The following AFF3 variants were observed in gnomAD, a reference collection of about 807,000 sequenced individuals.
AFF3 encodes ALF transcription elongation factor 3.
Under a neutral mutation model 129.7 loss-of-function variants are expected in AFF3, and 32 were observed. The observed-to-expected ratio is 0.25, with a 90% CI of 0.19 to 0.33. AFF3 has a LOEUF of 0.33. Ranked by LOEUF, AFF3 falls within the 10% of genes least tolerant of loss-of-function variation. The pLI is 1.00. For synonymous variants in AFF3, 644 were observed against 635.4 expected (o/e 1.01, Z -0.20); for missense variants, 1,373 against 1,592.0 (o/e 0.86, Z 2.34).
intron 11 of AFF3, among the ~76,000 whole-genome samples, chr2:99,680,495 T>C (rs1414540534): frequency 1.3e-5 from 2 of 152,214 alleles, no homozygotes; most frequent in Non-Finnish European, 2.9e-5. Context: ...TGTACAGATT[T>C]GGTGGTGGAC....
In AFF3 at chr2:99,749,075, A is replaced by G. The variant is rs534702028; in HGVS notation, c.1002+3146T>C. Among the ~76,000 whole-genome samples the G allele has an allele frequency of 7.9e-5, 12 of 152,346 alleles. No individual in the cohort carries two copies. In the East Asian group the frequency reaches 2.3e-3, roughly 29 times the overall value. ...GTATGAATAATATATGATGTATCAGAAATGTGACTATAGTTAACAATGAGG... is the reference window on the plus strand; with the variant it reads ...GTATGAATAATATATGATGTATCAGGAATGTGACTATAGTTAACAATGAGG... On this transcript the variant is annotated intron_variant, in intron 9 of 24. Coordinates refer to ENST00000672756, the MANE Select transcript of AFF3 (RefSeq NM_001386135.1).
intron 7 of AFF3, among the ~76,000 whole-genome samples, chr2:99,996,084 G>A (rs1001719975): frequency 2.0e-5 from 3 of 152,032 alleles, no homozygotes; most frequent in African/African-American, 7.2e-5. Context: ...ACCTAAAACA[G>A]CTTAGATAAC....
At chr2:99,706,642 T>A (rs1341516194) in intron 11 of AFF3, among the ~76,000 whole-genome samples, 1 of 152,180 alleles carries the variant, frequency 6.6e-6, no homozygotes, top group African/African-American at 2.4e-5. Flanking sequence ...GAAAAGGCAA[T>A]AATAGTTCAT....
At position 99,712,182 on chromosome 2, in the gene AFF3, G is replaced by C. The variant is rs182852280; in HGVS notation, c.1091+14895C>G. ...AATGGGTCCTAAAATATTCTGGGTT[G>C]TCAGTTCTTTGGGTTAAAACTTTCC... On this transcript the variant is annotated intron_variant, in intron 11 of 24. Coordinates refer to ENST00000672756, the MANE Select transcript of AFF3 (RefSeq NM_001386135.1). Among the ~76,000 whole-genome samples, 203 of 152,282 alleles carry C rather than the reference G, an allele frequency of 1.3e-3. 1 individual carries two copies. The highest frequency in any genetic ancestry group is 4.5e-3 in the African/African-American group (189 of 41,558).
intron 7 of AFF3, chr2:100,006,203 T>C (rs1011167427): frequency 1.3e-5 from 2 of 153,530 alleles, no homozygotes; most frequent in Admixed American, 1.3e-4. Context: ...GTTAAGAGTT[T>C]TGGAACTCTT....
At chr2:99,888,428 A>G (rs1693285384) in intron 7 of AFF3, among the ~76,000 whole-genome samples, 1 of 152,250 alleles carries the variant, frequency 6.6e-6, no homozygotes, top group African/African-American at 2.4e-5. Context: ...TACATTTTGA[A>G]CACATTCAGG....
chr2:99,790,244 C>T (rs747353338), intron 8 of AFF3, among the ~76,000 whole-genome samples: 1 of 152,222 alleles, frequency 6.6e-6, no homozygotes, highest in Non-Finnish European at 1.5e-5. Flanking sequence ...ACAGTAAGTG[C>T]TATAAGGACA....
intron 7 of AFF3, among the ~76,000 whole-genome samples, chr2:99,884,699 C>T (rs1372107285): frequency 6.6e-6 from 1 of 152,162 alleles, no homozygotes. Context: ...CCACTGCACC[C>T]GGCCTGCTTA....
chr2:99,637,527 AT>A (rs541231223), intron 13 of AFF3, among the ~76,000 whole-genome samples: 2 of 152,208 alleles, frequency 1.3e-5, no homozygotes, highest in Non-Finnish European at 2.9e-5. Context: ...CATATGCAAA[AT>A]TAAAAAGGGG....
At chr2:100,105,404 C>A in intron 3 of AFF3, 100 bp downstream of exon 3, 2 of 1,304,482 alleles carry the variant, frequency 1.5e-6, no homozygotes, top group Non-Finnish European at 2.0e-6. Context: ...CTCTTCCACC[C>A]GGACCTGCTC....
intron 4 of AFF3, among the ~76,000 whole-genome samples, chr2:100,072,272 T>C (rs1395288193): frequency 1.3e-5 from 2 of 152,114 alleles, no homozygotes; most frequent in Non-Finnish European, 2.9e-5. Flanking sequence ...GTAAACCCTA[T>C]TGTGAACTGT....
chr2:100,117,085 A>T (rs565172752), intron 2 of AFF3, among the ~76,000 whole-genome samples: 12 of 152,216 alleles, frequency 7.9e-5, no homozygotes, highest in South Asian at 6.2e-4. Context: ...GATTATCAGC[A>T]GTTTTACCAT....
At chr2:99,986,848 A>C (rs796209439) in intron 7 of AFF3, among the ~76,000 whole-genome samples, 23 of 152,282 alleles carry the variant, frequency 1.5e-4, no homozygotes, top group African/African-American at 4.8e-4. Flanking sequence ...TACTTTTCCA[A>C]GTTGAAATTA....
rs150861065 is a variant in AFF3 at position 99,917,760 on chromosome 2, C to T, written c.874-80236G>A. 2.7e-3 allele frequency among the ~76,000 whole-genome samples: 404 copies of T among 152,142 alleles called. 6 individuals are homozygous for T. Among genetic ancestry groups the T allele is most frequent in the African/African-American group, 9.3e-3 (385 of 41,492 alleles). On this transcript the variant is annotated intron_variant, in intron 7 of 24. Coordinates refer to ENST00000672756, the MANE Select transcript of AFF3 (RefSeq NM_001386135.1). ...CTCATTAACAGTAGCCAGAATTCTACACAACTAATTTACATTTCTACACAG... is the reference window on the plus strand; with the variant it reads ...CTCATTAACAGTAGCCAGAATTCTATACAACTAATTTACATTTCTACACAG...
chr2:99,993,224 C>CT (rs1410389143), intron 7 of AFF3, among the ~76,000 whole-genome samples: 2 of 152,200 alleles, frequency 1.3e-5, no homozygotes, highest in East Asian at 1.9e-4. Flanking sequence ...GCCCCATGCT[C>CT]TAATTAATAT....
At chr2:99,712,314 A>G (rs979331315) in intron 11 of AFF3, among the ~76,000 whole-genome samples, 7 of 152,204 alleles carry the variant, frequency 4.6e-5, no homozygotes, top group African/African-American at 1.7e-4. Flanking sequence ...CCTGTGTAGG[A>G]AGACACTCAC....
At chr2:99,774,497 T>C (rs1455946319) in intron 8 of AFF3, among the ~76,000 whole-genome samples, 1 of 152,132 alleles carries the variant, frequency 6.6e-6, no homozygotes, top group African/African-American at 2.4e-5. Flanking sequence ...GGAGAAAGGA[T>C]TCCCTATTTA....
At chr2:100,129,655 T>C (rs1334913906) in intron 1 of AFF3, among the ~76,000 whole-genome samples, 1 of 152,162 alleles carries the variant, frequency 6.6e-6, no homozygotes, top group East Asian at 1.9e-4. Context: ...AATCGGCACA[T>C]TAAAGCTGAT....
intron 4 of AFF3, among the ~76,000 whole-genome samples, chr2:100,020,727 G>A (rs899422587): frequency 5.3e-5 from 8 of 152,104 alleles, no homozygotes; most frequent in Admixed American, 4.6e-4. Context: ...GCTCATACTT[G>A]TCCAACTCTC....
Sources: gnomAD v4.1 joint callset for allele counts (sites outside exome capture counted in the v4.1 genomes callset) on GRCh38, gnomAD v4.1.1 for gene constraint, MANE v1.5 for transcripts, NCBI Gene and HGNC (gene_info 2026-07-23, HGNC 2026-07-21) for gene names.